NAALADL2: variants seen among roughly 807,000 people sequenced by gnomAD.
NAALADL2 encodes the protein inactive N-acetylated-alpha-linked acidic dipeptidase-like protein 2.
In NAALADL2, 76 loss-of-function variants were observed where a neutral mutation model predicts 87.2. The ratio of observed to expected loss-of-function variants is 0.87; its 90% CI spans 0.72 to 1.05. The LOEUF is 1.05. Ranked by LOEUF, NAALADL2 falls within the 50% of genes least tolerant of loss-of-function variation. The probability of loss-of-function intolerance (pLI) is 0.00; values close to 1 mark genes in which losing one functional copy is unlikely to be tolerated. For missense variants in NAALADL2, 1,089 were observed against 945.8 expected (o/e 1.15, Z -1.99); for synonymous variants, 354 against 331.0 (o/e 1.07, Z -0.75).
At chr3:174,647,129 A>C (rs550309161) in intron 2 of NAALADL2, among the ~76,000 whole-genome samples, 4 of 152,224 alleles carry the variant, frequency 2.6e-5, no homozygotes, top group Non-Finnish European at 5.9e-5. Context: ...TAGAGTTAAC[A>C]GAACCTTTCT....
At chr3:174,800,781 G>C in intron 3 of NAALADL2, among the ~76,000 whole-genome samples, 1 of 152,208 alleles carries the variant, frequency 6.6e-6, no homozygotes, top group East Asian at 1.9e-4. Context: ...CAGGAGCAGA[G>C]CTGCCCAAGA....
intron 5 of NAALADL2, among the ~76,000 whole-genome samples, chr3:175,406,372 C>T (rs1712377063): frequency 6.6e-6 from 1 of 152,114 alleles, no homozygotes; most frequent in East Asian, 1.9e-4. Flanking sequence ...TAAGACACAA[C>T]ATTTTTAGAA....
upstream of NAALADL2, among the ~76,000 whole-genome samples, chr3:174,856,379 C>G (rs1303906680): frequency 6.6e-6 from 1 of 152,046 alleles, no homozygotes; most frequent in Non-Finnish European, 1.5e-5. Flanking sequence ...TATCAATGAT[C>G]ATCGTGGTCC....
chr3:175,104,288 T>C (rs1580463983), intron 2 of NAALADL2, among the ~76,000 whole-genome samples: 1 of 152,274 alleles, frequency 6.6e-6, no homozygotes, highest in South Asian at 2.1e-4. Flanking sequence ...AAACTGGCTG[T>C]GGAATCCATG....
At chr3:174,885,675 T>C (rs1730002109) in intron 1 of NAALADL2, among the ~76,000 whole-genome samples, 1 of 151,976 alleles carries the variant, frequency 6.6e-6, no homozygotes, top group South Asian at 2.1e-4. Flanking sequence ...ACAAAAGAAC[T>C]CCATCCTTAA....
intron 9 of NAALADL2, among the ~76,000 whole-genome samples, chr3:175,492,166 C>G (rs952189076): frequency 1.3e-5 from 2 of 152,178 alleles, no homozygotes; most frequent in Non-Finnish European, 2.9e-5. Flanking sequence ...AATGCTGCCT[C>G]TTAATGTGGA....
chr3:174,831,611 T>C (rs1722698760), intron 3 of NAALADL2, among the ~76,000 whole-genome samples: 1 of 151,230 alleles, frequency 6.6e-6, no homozygotes, highest in African/African-American at 2.4e-5. Flanking sequence ...ATCAGAATGA[T>C]GCTGGTCTCA....
chr3:175,520,393 G>C (rs1025687474), intron 9 of NAALADL2, among the ~76,000 whole-genome samples: 1 of 146,260 alleles, frequency 6.8e-6, no homozygotes, highest in Admixed American at 7.2e-5. Context: ...CCGCTTCCCG[G>C]GTTCACGCCA....
At chr3:174,925,869 C>T (rs531138320) in intron 1 of NAALADL2, among the ~76,000 whole-genome samples, 30 of 152,054 alleles carry the variant, frequency 2.0e-4, no homozygotes, top group South Asian at 4.1e-4. Context: ...ATGACTTTGA[C>T]GAGTTGAGAG....
intron 2 of NAALADL2, among the ~76,000 whole-genome samples, chr3:174,689,597 T>G (rs1164999821): frequency 1.3e-5 from 2 of 151,994 alleles, no homozygotes; most frequent in African/African-American, 4.8e-5. Flanking sequence ...CTCCAGGTAG[T>G]TCTCCTCTAT....
intron 1 of NAALADL2, among the ~76,000 whole-genome samples, chr3:174,962,287 A>G (rs1742120663): frequency 6.8e-6 from 1 of 148,114 alleles, no homozygotes; most frequent in Non-Finnish European, 1.5e-5. Context: ...ATAGATTCCT[A>G]CATTGTATTT....
chr3:174,628,160 T>C lies in NAALADL2; in HGVS notation c.-115+77523T>C, dbSNP rs373969284. On this transcript the variant is annotated intron_variant, in intron 2 of 3. Coordinates refer to the NAALADL2 transcript ENST00000434257. ...CTCAAGTCTTTGAAGATACAAGTCATAGAGTGGAAAATGATTTTAAAGATG... is the reference window on the plus strand; with the variant it reads ...CTCAAGTCTTTGAAGATACAAGTCACAGAGTGGAAAATGATTTTAAAGATG... Among the ~76,000 whole-genome samples the C allele has an allele frequency of 1.9e-4, 29 of 152,188 alleles. No homozygotes were observed. The East Asian group carries it at 2.7e-3, about 14-fold the overall frequency.
chr3:175,630,839 C>T (rs923185970), intron 11 of NAALADL2, among the ~76,000 whole-genome samples: 11 of 151,294 alleles, frequency 7.3e-5, no homozygotes, highest in Non-Finnish European at 1.3e-4. Context: ...TCAATTATGA[C>T]AAAATCAATT....
intron 1 of NAALADL2, among the ~76,000 whole-genome samples, chr3:174,945,852 C>G (rs1739327895): frequency 6.6e-6 from 1 of 151,902 alleles, no homozygotes; most frequent in Non-Finnish European, 1.5e-5. Context: ...TCAAGACCAT[C>G]CTGGCTAACA....
intron 1 of NAALADL2, among the ~76,000 whole-genome samples, chr3:174,997,060 T>TA (rs200823434): frequency 0.15 from 19,876 of 130,376 alleles, 1,567 homozygotes; most frequent in Middle Eastern, 0.28. Flanking sequence ...ATATATATAT[T>TA]TTTTTTTTTA....
At chr3:175,593,376 G>A (rs886703483) in intron 10 of NAALADL2, among the ~76,000 whole-genome samples, 9 of 152,136 alleles carry the variant, frequency 5.9e-5, no homozygotes, top group African/African-American at 2.2e-4. Context: ...TTAAGCTAGA[G>A]GTTTTGTAAG....
At chr3:175,489,832 G>T (rs924865928) in intron 9 of NAALADL2, among the ~76,000 whole-genome samples, 4 of 152,228 alleles carry the variant, frequency 2.6e-5, no homozygotes, top group Middle Eastern at 3.4e-3. Flanking sequence ...TAAAAATAAA[G>T]CATTATTCCT....
At chr3:175,103,673 A>G (rs1428224934) in intron 2 of NAALADL2, among the ~76,000 whole-genome samples, 2 of 152,210 alleles carry the variant, frequency 1.3e-5, no homozygotes, top group Non-Finnish European at 2.9e-5. Flanking sequence ...GCTATGATGG[A>G]TCAAAAGATA....
chr3:174,552,868 C>T (rs1462827044), intron 2 of NAALADL2, among the ~76,000 whole-genome samples: 1 of 148,812 alleles, frequency 6.7e-6, no homozygotes, highest in Non-Finnish European at 1.5e-5. Context: ...CTTGTAATTG[C>T]ACAGTGATTT....
Sources: allele counts gnomAD v4.1 joint callset (sites outside exome capture counted in the v4.1 genomes callset), GRCh38; gene constraint gnomAD v4.1.1; transcripts MANE v1.5; gene names NCBI Gene and HGNC (gene_info 2026-07-23, HGNC 2026-07-21).